COL11A1: variants seen among roughly 807,000 people sequenced by gnomAD.
The protein encoded by COL11A1 is collagen type XI alpha 1 chain.
Under a neutral mutation model 265.2 loss-of-function variants are expected in COL11A1, and 74 were observed. That is an observed-to-expected ratio of 0.28 (90% CI 0.23 to 0.34). The LOEUF is 0.34. Among genes scored for constraint, COL11A1 ranks in the 10% least tolerant of loss-of-function variants. The pLI, the probability that COL11A1 is intolerant of heterozygous loss-of-function variation, is 1.00. For missense variants in COL11A1, 2,165 were observed against 2,263.6 expected, an observed-to-expected ratio of 0.96 and a Z score of 0.88; for synonymous variants, 816 against 727.6, an observed-to-expected ratio of 1.12 and a Z score of -1.96.
chr1:102,990,047 T>TGTGG (rs1227322197), intron 28 of COL11A1, among the ~76,000 whole-genome samples: 1 of 151,864 alleles, frequency 6.6e-6, no homozygotes, highest in African/African-American at 2.4e-5. Flanking sequence ...TAGCCAGGTG[T>TGTGG]GTGGGTGCAT....
intron 4 of COL11A1, among the ~76,000 whole-genome samples, chr1:103,041,193 T>A (rs993961546): frequency 1.3e-5 from 2 of 151,932 alleles, no homozygotes; most frequent in African/African-American, 4.8e-5. Context: ...TTCATAGTAT[T>A]TAACTTGGCA....
Position 103,082,837 on chromosome 1 carries a change from T to C in COL11A1, c.242A>G (p.Gln81Arg), listed in dbSNP as rs1672519599. The C allele has an allele frequency of 6.2e-7, 1 of 1,613,608 alleles. No individual in the cohort carries two copies. Among genetic ancestry groups the C allele is most frequent in the Admixed American group, 1.7e-5 (1 of 59,992 alleles). ...DTAYRVSKQAQLSAPTKQLFP... is the reference protein window; with the variant it reads ...DTAYRVSKQARLSAPTKQLFP... ...TAACTGTTTTGTTGGGGCACTGAGTTGTGCTTGCTTTGAAACTCTGTAAGC... is the reference window on the plus strand; with the variant it reads ...TAACTGTTTTGTTGGGGCACTGAGTCGTGCTTGCTTTGAAACTCTGTAAGC... Residue 81 changes from glutamine to arginine, a missense_variant, in exon 2 of 67, where the codon CAA (glutamine) becomes CGA (arginine). By Grantham distance (43) the Gln-to-Arg change is conservative. Transcript: ENST00000370096.
At chr1:103,002,048 A>C in intron 23 of COL11A1, 79 bp from the exon 24 acceptor site, 61 of 1,155,422 alleles carry the variant, frequency 5.3e-5, no homozygotes, top group Non-Finnish European at 7.3e-5. Context: ...TTATTAGCTC[A>C]CTATAGTACA....
intron 57 of COL11A1, among the ~76,000 whole-genome samples, chr1:102,891,799 C>T (rs576426851): frequency 6.6e-6 from 1 of 151,898 alleles, no homozygotes; most frequent in African/African-American, 2.4e-5. Context: ...AGGAGGGTCA[C>T]TTGAACCCAT....
chr1:103,051,614 C>A lies in COL11A1; in HGVS notation c.652-20370G>T, dbSNP rs565134640. On this transcript the variant is annotated intron_variant, in intron 4 of 66. Coordinates refer to ENST00000370096, the MANE Select transcript of COL11A1 (RefSeq NM_001854.4). ...ATGGTGCACTGCACCCACTGTCCTGCACCCACTGTCTGGCACACCCCAGTG... is the reference window on the plus strand; with the variant it reads ...ATGGTGCACTGCACCCACTGTCCTGAACCCACTGTCTGGCACACCCCAGTG... 1.3e-3 allele frequency among the ~76,000 whole-genome samples: 205 copies of A among 152,322 alleles called. 1 individual carries two copies. Among genetic ancestry groups the A allele is most frequent in the African/African-American group, 4.7e-3 (197 of 41,588 alleles).
chr1:103,084,595 G>GAAA (rs34675170), intron 1 of COL11A1, among the ~76,000 whole-genome samples: 1 of 135,840 alleles, frequency 7.4e-6, no homozygotes, highest in Admixed American at 7.2e-5. Context: ...ATGCCATTTA[G>GAAA]AAAAAAAAAA....
At chr1:103,064,449 G>A (rs1310696222) in intron 4 of COL11A1, among the ~76,000 whole-genome samples, 3 of 152,110 alleles carry the variant, frequency 2.0e-5, no homozygotes, top group Non-Finnish European at 2.9e-5. Flanking sequence ...CCAGCACTTT[G>A]GGGGCTGAGG....
At chr1:102,964,278 T>A (rs1303925014) in intron 38 of COL11A1, among the ~76,000 whole-genome samples, 3 of 152,224 alleles carry the variant, frequency 2.0e-5, no homozygotes, top group Non-Finnish European at 4.4e-5. Context: ...ATTTTTCTAG[T>A]TAAATTTTCT....
chr1:102,951,665 G>A (rs1207139946), intron 41 of COL11A1, among the ~76,000 whole-genome samples: 2 of 152,042 alleles, frequency 1.3e-5, no homozygotes, highest in Non-Finnish European at 2.9e-5. Context: ...GCGTGAATCC[G>A]GGAGGTGGAG....
chr1:102,983,654 T>C (rs1663249851), intron 31 of COL11A1, among the ~76,000 whole-genome samples: 1 of 152,036 alleles, frequency 6.6e-6, no homozygotes, highest in African/African-American at 2.4e-5. Flanking sequence ...CCTCCAGAAC[T>C]GTAAGGCAGT....
intron 1 of COL11A1, among the ~76,000 whole-genome samples, chr1:103,085,035 G>A (rs1225328646): frequency 6.6e-6 from 1 of 152,122 alleles, no homozygotes; most frequent in South Asian, 2.1e-4. Context: ...AGTGAATGAC[G>A]GTGGTCATAG....
intron 66 of COL11A1, among the ~76,000 whole-genome samples, chr1:102,878,873 A>T (rs534109319): frequency 6.6e-6 from 1 of 152,302 alleles, no homozygotes; most frequent in South Asian, 2.1e-4. Flanking sequence ...ATTCTCTTAC[A>T]GAAAAAGTTA....
At chr1:102,928,033 A>G (rs1656835575) in intron 46 of COL11A1, among the ~76,000 whole-genome samples, 1 of 151,906 alleles carries the variant, frequency 6.6e-6, no homozygotes, top group South Asian at 2.1e-4. Flanking sequence ...TGTTCCTCCT[A>G]TTGCTATCAA....
At chr1:103,082,725 T>G (rs1672508604) in intron 2 of COL11A1, 80 bp downstream of exon 2, 1 of 1,213,428 alleles carries the variant, frequency 8.2e-7, no homozygotes, top group Admixed American at 1.8e-5. Context: ...AGTAAAGAAA[T>G]ACTAAAAGTA....
chr1:102,891,711 C>CAAA (rs34484060), intron 57 of COL11A1, among the ~76,000 whole-genome samples: 1 of 67,306 alleles, frequency 1.5e-5, no homozygotes, highest in Non-Finnish European at 3.2e-5. Context: ...ATTTTGTCTA[C>CAAA]AAAAAAAAAA....
intron 28 of COL11A1, among the ~76,000 whole-genome samples, chr1:102,994,328 A>T (rs555740759): frequency 6.6e-6 from 1 of 152,052 alleles, no homozygotes; most frequent in East Asian, 1.9e-4. Context: ...ATTTCCATTG[A>T]ATGGTTTAGC....
chr1:102,911,101 G>C (rs1654620736), intron 54 of COL11A1, among the ~76,000 whole-genome samples: 1 of 151,964 alleles, frequency 6.6e-6, no homozygotes, highest in Non-Finnish European at 1.5e-5. Context: ...TGGTTGTTTG[G>C]GGATAAATCT....
rs771856803 is a variant in COL11A1, at chr1:102,914,820, T to C, written c.3817-9A>G. On this transcript the variant is annotated splice_polypyrimidine_tract_variant and intron_variant, in intron 50 of 66. Coordinates refer to ENST00000370096, the MANE Select transcript of COL11A1 (RefSeq NM_001854.4). ...CTTTCTCCTTTGGGACCCTAAACAATGTTAAAAAAAAAAAAAGAAGAAGAA... is the reference window on the plus strand; with the variant it reads ...CTTTCTCCTTTGGGACCCTAAACAACGTTAAAAAAAAAAAAAGAAGAAGAA... 25 of 1,472,154 alleles carry C rather than the reference T, an allele frequency of 1.7e-5. No individual in the cohort carries two copies. In the East Asian group the frequency reaches 6.0e-4, roughly 36 times the overall value. 91.2% of individuals were successfully genotyped at this position (1,472,154 alleles called of 1,614,324 possible). A position where few individuals can be genotyped will look rare whatever the true frequency, so the allele number is the denominator to read the frequency against.
At position 102,947,676 on chromosome 1, in the gene COL11A1, T is replaced by C. The variant is rs548446403; in HGVS notation, c.3169-720A>G. 7.9e-5 allele frequency among the ~76,000 whole-genome samples: 12 copies of C among 152,108 alleles called. No homozygotes were observed. The South Asian group carries it at 2.3e-3, about 29-fold the overall frequency. On this transcript the variant is annotated intron_variant, in intron 41 of 66. Transcript: ENST00000370096. ...TAGTTTGCTTTTTTAAAAAACCTCA[T>C]ATATATAGATTTTTGAAAATAATCA...
Sources: gnomAD v4.1 joint callset for allele counts (sites outside exome capture counted in the v4.1 genomes callset) on GRCh38, gnomAD v4.1.1 for gene constraint, MANE v1.5 for transcripts, NCBI Gene and HGNC (gene_info 2026-07-23, HGNC 2026-07-21) for gene names.